The following PCDH15 variants were observed in gnomAD, a reference collection of about 807,000 sequenced individuals.
The protein encoded by PCDH15 is protocadherin related 15.
In PCDH15, 129 loss-of-function variants were observed where a neutral mutation model predicts 178.5. The ratio of observed to expected loss-of-function variants is 0.72; its 90% CI spans 0.63 to 0.84. The LOEUF is 0.84. Among genes scored for constraint, PCDH15 ranks in the 40% least tolerant of loss-of-function variants. The pLI, the probability that PCDH15 is intolerant of heterozygous loss-of-function variation, is 0.00. For synonymous variants in PCDH15, 800 were observed against 732.0 expected, an observed-to-expected ratio of 1.09 and a Z score of -1.50; for missense variants, 2,230 against 2,099.9, an observed-to-expected ratio of 1.06 and a Z score of -1.21.
At chr10:55,399,027 CAATT>C (rs1367399273) in intron 2 of PCDH15, among the ~76,000 whole-genome samples, 3 of 151,976 alleles carry the variant, frequency 2.0e-5, no homozygotes, top group Non-Finnish European at 2.9e-5. Context: ...CTATATGGCG[CAATT>C]ACTCATCTTG....
At chr10:54,176,777 T>A (rs2047480416) in intron 13 of PCDH15, among the ~76,000 whole-genome samples, 1 of 152,076 alleles carries the variant, frequency 6.6e-6, no homozygotes. Context: ...GTAGCCTAAA[T>A]TATGGCAGCA....
In PCDH15 at chr10:53,857,249, A is replaced by T. The variant is rs766222305; in HGVS notation, c.3732T>A (p.Asn1244Lys). The change falls in exon 28 of 38, where the codon AAT becomes AAA. Residue 1244 changes from asparagine to lysine, a missense_variant. By Grantham distance (94) the Asn-to-Lys change is moderately conservative. Transcript: ENST00000644397. ...AAACAATGACTTGCATATCCAGCTG[A>T]TTGACCACGGAGACCTGAAAGAAGA... ...GKADVLVSVV[N>K]QLDMQVIVSN... 1 of 1,611,402 alleles carries T rather than the reference A, an allele frequency of 6.2e-7. No individual in the cohort carries two copies. Among genetic ancestry groups the T allele is most frequent in the Non-Finnish European group, 8.5e-7 (1 of 1,177,856 alleles).
chr10:54,160,570 T>G (rs563434496), intron 13 of PCDH15, among the ~76,000 whole-genome samples: 1 of 152,244 alleles, frequency 6.6e-6, no homozygotes, highest in South Asian at 2.1e-4. Flanking sequence ...TTCCTAAAAA[T>G]TAAAAGCTTT....
In PCDH15 at chr10:55,348,141, T is replaced by C. The variant is rs371587648; in HGVS notation, c.-155-181490A>G. The stretch of plus-strand genomic sequence containing the variant: ...AGTTATATATCTGCCTCTGTCATTG[T>C]CCCATGCTTCCCTTTCCAATATTAT... On this transcript the variant is annotated intron_variant, in intron 2 of 5. Transcript: ENST00000613346. 2.8e-4 allele frequency among the ~76,000 whole-genome samples: 42 copies of C among 152,298 alleles called. No individual in the cohort carries two copies. In the South Asian group the frequency reaches 3.5e-3, roughly 13 times the overall value.
chr10:54,715,836 C>T (rs577106911), intron 1 of PCDH15, among the ~76,000 whole-genome samples: 2 of 152,164 alleles, frequency 1.3e-5, no homozygotes, highest in East Asian at 3.9e-4. Context: ...TGCTTTTGGC[C>T]AGGGTATATT....
chr10:54,248,479 GA>G (rs1245527728), intron 8 of PCDH15, among the ~76,000 whole-genome samples: 1 of 151,946 alleles, frequency 6.6e-6, no homozygotes, highest in African/African-American at 2.4e-5. Flanking sequence ...GAGTTGAAGT[GA>G]AATTTCTTAA....
At chr10:55,391,730 C>A (rs758093871) in intron 2 of PCDH15, among the ~76,000 whole-genome samples, 7 of 152,090 alleles carry the variant, frequency 4.6e-5, no homozygotes, top group African/African-American at 7.2e-5. Context: ...TTGTGATCTA[C>A]CCTCCTCAGC....
At chr10:54,337,594 T>C (rs1462298388) in intron 6 of PCDH15, among the ~76,000 whole-genome samples, 1 of 152,208 alleles carries the variant, frequency 6.6e-6, no homozygotes, top group Admixed American at 6.5e-5. Flanking sequence ...ATCCTGTTCT[T>C]GGTGCCAAGA....
chr10:54,277,963 T>C lies in PCDH15; in HGVS notation c.876+39308A>G, dbSNP rs565909254. Among the ~76,000 whole-genome samples the C allele has an allele frequency of 4.6e-5, 7 of 151,718 alleles. No individual in the cohort carries two copies. The South Asian group carries it at 1.5e-3, about 31-fold the overall frequency. ...CACATTTGTAATTTGAGTTGCTTAT[T>C]AGCACCCAACTAGAGATATCAAATA... is the stretch of plus-strand genomic sequence containing the variant. On this transcript the variant is annotated intron_variant, in intron 8 of 37. Transcript: ENST00000644397.
intron 1 of PCDH15, among the ~76,000 whole-genome samples, chr10:55,272,160 A>G (rs941800151): frequency 2.0e-5 from 3 of 151,962 alleles, no homozygotes; most frequent in Non-Finnish European, 4.4e-5. Flanking sequence ...GCTTATGCCA[A>G]TTAGAGGACT....
intron 1 of PCDH15, among the ~76,000 whole-genome samples, chr10:55,215,115 A>C (rs2132175571): frequency 6.6e-6 from 1 of 152,266 alleles, no homozygotes; most frequent in East Asian, 1.9e-4. Context: ...TGGCCCCCAA[A>C]GGGCTCAAAT....
At chr10:55,581,801 CA>C (rs915952072) in intron 2 of PCDH15, among the ~76,000 whole-genome samples, 1 of 152,072 alleles carries the variant, frequency 6.6e-6, no homozygotes, top group African/African-American at 2.4e-5. Flanking sequence ...GTCTAACACA[CA>C]CATACATGCG....
At chr10:54,330,305 A>G (rs926057022) in intron 6 of PCDH15, among the ~76,000 whole-genome samples, 3 of 151,932 alleles carry the variant, frequency 2.0e-5, no homozygotes, top group Admixed American at 6.6e-5. Flanking sequence ...CCTACTACAT[A>G]CTAGGACAAG....
In PCDH15 at chr10:55,138,382, A is replaced by T. The variant is rs1838260792; in HGVS notation, c.-80+28194T>A. On this transcript the variant is annotated intron_variant, in intron 2 of 5. Transcript: ENST00000458638. ...TGATGAGAAATAGTTGTCAAGTATAACAGGGGCCTTCTCTTCCCTTATTTG... is the reference window on the plus strand; with the variant it reads ...TGATGAGAAATAGTTGTCAAGTATATCAGGGGCCTTCTCTTCCCTTATTTG... Among the ~76,000 whole-genome samples the T allele has an allele frequency of 2.0e-5, 3 of 152,174 alleles. No individual in the cohort carries two copies. The South Asian group carries it at 6.2e-4, about 32-fold the overall frequency.
chr10:54,510,540 G>A (rs767836842), intron 3 of PCDH15, among the ~76,000 whole-genome samples: 6 of 152,130 alleles, frequency 3.9e-5, no homozygotes, highest in Non-Finnish European at 8.8e-5. Context: ...ACTCCCTTGT[G>A]TTGTGATCAA....
chr10:55,567,418 C>T (rs1017678252), intron 2 of PCDH15, among the ~76,000 whole-genome samples: 5 of 147,084 alleles, frequency 3.4e-5, no homozygotes, highest in Admixed American at 1.4e-4. Context: ...AAGAGGCAAA[C>T]GGGCTTCACA....
chr10:54,933,887 T>G (rs911997806), intron 2 of PCDH15, among the ~76,000 whole-genome samples: 1 of 152,172 alleles, frequency 6.6e-6, no homozygotes, highest in Non-Finnish European at 1.5e-5. Context: ...TTAGCACTTG[T>G]TCCTGTGTTC....
chr10:54,094,141 A>T (rs2094653243), intron 15 of PCDH15, among the ~76,000 whole-genome samples: 1 of 152,124 alleles, frequency 6.6e-6, no homozygotes, highest in South Asian at 2.1e-4. Flanking sequence ...TACTACTACT[A>T]CTACTTAATC....
intron 26 of PCDH15, among the ~76,000 whole-genome samples, chr10:53,886,738 C>G (rs1388005643): frequency 6.7e-6 from 1 of 150,132 alleles, no homozygotes; most frequent in East Asian, 2.0e-4. Flanking sequence ...TGGTCTTGTT[C>G]TATTCAAATG....
Sources: allele counts gnomAD v4.1 joint callset (sites outside exome capture counted in the v4.1 genomes callset), GRCh38; gene constraint gnomAD v4.1.1; transcripts MANE v1.5; gene names NCBI Gene and HGNC (gene_info 2026-07-23, HGNC 2026-07-21).